Variants in SRRT observed in about 807,000 individuals in gnomAD.
SRRT encodes the protein serrate, RNA effector molecule.
SRRT carries 32 observed loss-of-function variants against 103.2 expected under a neutral mutation model. That is an observed-to-expected ratio of 0.31 (90% confidence interval 0.23 to 0.42). The LOEUF (loss-of-function observed/expected upper bound fraction) is 0.42. SRRT is among the 10% of genes least tolerant of loss of function. The pLI is 1.00. For missense variants in SRRT, 986 were observed against 1,207.5 expected, an observed-to-expected ratio of 0.82 and a Z score of 2.72; for synonymous variants, 525 against 449.0, an observed-to-expected ratio of 1.17 and a Z score of -2.14.
rs761623800 is a variant in SRRT, at chr7:100,887,660, A to G, written c.2170-43A>G. ...CCAGCTCGGGCCTGGGAGCGAGGCA[A>G]CCCTTATGTGGCTGTCCTGACCCCT... On this transcript the variant is annotated intron_variant, in intron 16 of 19. Transcript: ENST00000611405. The surrounding 1 kb of genome is among the most constrained non-coding windows in gnomAD (Gnocchi z 4.1). 2.5e-6 allele frequency: 4 copies of G among 1,589,884 alleles called. No individual in the cohort carries two copies. The highest frequency in any genetic ancestry group is 3.4e-6 in the Non-Finnish European group (4 of 1,162,916).
In SRRT at chr7:100,888,393, G is replaced by A. The variant is rs763750795; in HGVS notation, c.2555+10G>A. ...GGAAACCTCGCAACAGGTGAGGAGGGCAGACGCCCAAGCTTTGTTGCCGCC... is the reference window on the plus strand; with the variant it reads ...GGAAACCTCGCAACAGGTGAGGAGGACAGACGCCCAAGCTTTGTTGCCGCC... On this transcript the variant is annotated intron_variant, in intron 19 of 19. Transcript: ENST00000611405. 1 of 1,613,468 alleles carries A rather than the reference G, an allele frequency of 6.2e-7. No individual in the cohort carries two copies. The highest frequency in any genetic ancestry group is 8.5e-7 in the Non-Finnish European group (1 of 1,179,586).
chr7:100,881,624 C>A, intron 3 of SRRT, 35 bp from the exon 4 acceptor site: 1 of 1,613,178 alleles, frequency 6.2e-7, no homozygotes, highest in East Asian at 2.2e-5. Flanking sequence ...AGGTGACTCC[C>A]TTCTCTGCTT....
Position 100,887,960 on chromosome 7 carries a change from C to A in SRRT, c.2327-82C>A, listed in dbSNP as rs1459494448. On this transcript the variant is annotated intron_variant, in intron 17 of 19. Transcript: ENST00000611405. This position sits in a 1 kb window ranked among gnomAD's most constrained non-coding sequence, Gnocchi z 4.1. ...TCACCCCGAGAAGTTTCTGCCCCAT[C>A]CTCAGGCCATAGCCCTAGAAGTCAA... 6.5e-7 allele frequency: 1 copy of A among 1,536,436 alleles called. No individual in the cohort carries two copies. Among genetic ancestry groups the A allele is most frequent in the South Asian group, 1.2e-5 (1 of 80,250 alleles).
Position 100,876,018 on chromosome 7 carries a change from C to T in SRRT, c.122+306C>T, listed in dbSNP as rs539640771. 4.9e-5 allele frequency: 16 copies of T among 327,306 alleles called. No individual in the cohort carries two copies. In the East Asian group the frequency reaches 8.6e-4, roughly 18 times the overall value. The allele number at this position is 327,306 out of a possible 1,614,324, so 20.3% of individuals were successfully genotyped here. ...TTTGTTATTGAGATGGGGTCTTGTT[C>T]TGCTGCCCTGGCTGGAGTGCATTGA... On this transcript the variant is annotated intron_variant, in intron 2 of 19. Coordinates refer to ENST00000611405, the MANE Select transcript of SRRT (RefSeq NM_015908.6).
rs1299489113 is a variant in SRRT at position 100,887,224 on chromosome 7, T to G, written c.1975+24T>G. 9 of 1,613,768 alleles carry G rather than the reference T, an allele frequency of 5.6e-6. No homozygotes were observed. Among genetic ancestry groups the G allele is most frequent in the Non-Finnish European group, 6.8e-6 (8 of 1,179,830 alleles). On this transcript the variant is annotated intron_variant, in intron 15 of 19. Transcript: ENST00000611405. The surrounding 1 kb of genome is among the most constrained non-coding windows in gnomAD (Gnocchi z 4.1). The stretch of plus-strand genomic sequence containing the variant: ...AGGTGAGCTCCAGGTTCCCCTTTGT[T>G]CCCGGCTGCCCCTGGCCTTGGTCCT...
chr7:100,878,951 T>TCTTTCTTTC (rs1459219742), intron 2 of SRRT, among the ~76,000 whole-genome samples: 29 of 152,050 alleles, frequency 1.9e-4, no homozygotes, highest in Non-Finnish European at 2.9e-5. Context: ...TTCTTTCTTT[T>TCTTTCTTTC]CTTTCTTTCT....
chr7:100,879,975 G>A (rs968059136), intron 2 of SRRT, among the ~76,000 whole-genome samples: 2 of 152,150 alleles, frequency 1.3e-5, no homozygotes, highest in Admixed American at 6.5e-5. Flanking sequence ...TTGAAGTAAC[G>A]GTGTGATGTG....
intron 2 of SRRT, 136 bp downstream of exon 2, chr7:100,875,848 C>T: frequency 8.7e-7 from 1 of 1,151,758 alleles, no homozygotes; most frequent in Non-Finnish European, 1.2e-6. Flanking sequence ...TTCTGTGGTT[C>T]AGCCTATTTG....
Position 100,884,826 on chromosome 7 carries a change from G to A in SRRT, c.1029G>A (p.Lys343=). 6.2e-7 allele frequency: 1 copy of A among 1,614,104 alleles called. No homozygotes were observed. The highest frequency in any genetic ancestry group is 8.5e-7 in the Non-Finnish European group (1 of 1,179,998). The change falls in exon 8 of 20, where the codon AAG becomes AAA. Residue 343 remains lysine, a synonymous_variant. Transcript: ENST00000611405. ...AAGAGAAGAAAGAAGACTCCGAGAA[G>A]GAAGCCAAAAAGGTGAGGTGTCTGT... The part of the protein sequence containing the change: ...DKEEKKEDSE[K]EAKKSSKKRN...
chr7:100,888,028 C>T lies in SRRT; in HGVS notation c.2327-14C>T. The T allele has an allele frequency of 1.1e-5, 17 of 1,530,294 alleles. No homozygotes were observed. The highest frequency in any genetic ancestry group is 1.5e-5 in the Non-Finnish European group (17 of 1,142,146). The allele number at this position is 1,530,294 out of a possible 1,614,324, so 94.8% of individuals were successfully genotyped here. A position where few individuals can be genotyped will look rare whatever the true frequency, so the allele number is the denominator to read the frequency against. On this transcript the variant is annotated splice_polypyrimidine_tract_variant and intron_variant, in intron 17 of 19. Coordinates refer to ENST00000611405, the MANE Select transcript of SRRT (RefSeq NM_015908.6). ...TCCCCGCCCCCGCAGTAATTCATGT[C>T]CCTGTCCGTGTTGTACTCCCCCCAG...
chr7:100,877,764 C>T (rs970057393), intron 2 of SRRT, among the ~76,000 whole-genome samples: 1 of 152,068 alleles, frequency 6.6e-6, no homozygotes, highest in Non-Finnish European at 1.5e-5. Context: ...CACATATCCA[C>T]CTGCTTCGAC....
rs1425886078 is a variant in SRRT, at chr7:100,885,917, C to G, written c.1434C>G (p.Ile478Met). Residue 478 changes from isoleucine (I) to methionine (M), a missense_variant, in exon 12 of 20, where the codon ATC (isoleucine) becomes ATG (methionine). By Grantham distance (10) the Ile-to-Met change is conservative. This residue lies in a region of SRRT where 349 missense variants were observed against 446.9 expected (regional missense o/e 0.78). Coordinates refer to ENST00000611405, the MANE Select transcript of SRRT (RefSeq NM_015908.6). This position sits in a 1 kb window ranked among gnomAD's most constrained non-coding sequence, Gnocchi z 4.8. ...TFDRSVNIKE[I>M]CWNLQNIRLR... ...ACCGCAGTGTTAACATTAAAGAGAT[C>G]TGTTGGAACCTGCAGAACATCCGTG... The G allele has an allele frequency of 6.2e-7, 1 of 1,614,074 alleles. No individual in the cohort carries two copies. The highest frequency in any genetic ancestry group is 8.5e-7 in the Non-Finnish European group (1 of 1,180,018).
chr7:100,885,435 T>TG lies in SRRT; in HGVS notation c.1317+69dup, dbSNP rs1465546362. The stretch of plus-strand genomic sequence containing the variant: ...GAAGTGGAGGGTAGAGGGAAGGCAG[T>TG]GGGGCCCTGCCTGTGACAGATGCCC... On this transcript the variant is annotated intron_variant, in intron 10 of 19. Coordinates refer to ENST00000611405, the MANE Select transcript of SRRT (RefSeq NM_015908.6). The surrounding 1 kb of genome is among the most constrained non-coding windows in gnomAD (Gnocchi z 4.8). 8 of 1,528,172 alleles carry TG rather than the reference T, an allele frequency of 5.2e-6. No individual in the cohort carries two copies. The highest frequency in any genetic ancestry group is 3.7e-5 in the Admixed American group (2 of 53,490). The allele number at this position is 1,528,172 out of a possible 1,614,324, so 94.7% of individuals were successfully genotyped here. A position where few individuals can be genotyped will look rare whatever the true frequency, so the allele number is the denominator to read the frequency against.
chr7:100,875,787 C>T lies in SRRT; in HGVS notation c.122+75C>T, dbSNP rs1472935599. ...CACCCGCGTCGCTTTTCTTTCTCCC[C>T]CTTGTAATTTTTATGAGGGCGAATC... is the stretch of plus-strand genomic sequence containing the variant. On this transcript the variant is annotated intron_variant, in intron 2 of 19. Transcript: ENST00000611405. The T allele has an allele frequency of 3.8e-6, 6 of 1,582,312 alleles. No individual in the cohort carries two copies. In the African/African-American group the frequency reaches 4.0e-5, roughly 11 times the overall value.
In SRRT at chr7:100,885,991, C is replaced by T. The variant is rs763458700; in HGVS notation, c.1458+50C>T. 6.3e-7 allele frequency: 1 copy of T among 1,580,690 alleles called. No homozygotes were observed. ...GGGAAGAGGAAGGGAGACTCTGTGCCACACGGGACCTCTGTGTGACTTTGT... is the reference window on the plus strand; with the variant it reads ...GGGAAGAGGAAGGGAGACTCTGTGCTACACGGGACCTCTGTGTGACTTTGT... On this transcript the variant is annotated intron_variant, in intron 12 of 19. Coordinates refer to ENST00000611405, the MANE Select transcript of SRRT (RefSeq NM_015908.6). This position sits in a 1 kb window ranked among gnomAD's most constrained non-coding sequence, Gnocchi z 4.8.
chr7:100,887,894 C>T lies in SRRT; in HGVS notation c.2326+35C>T, dbSNP rs760299595. ...GATCCATGAAGGTCGCATGTGCCCT[C>T]TTCCTTGACTACCCAGGGACTCCTG... is the stretch of plus-strand genomic sequence containing the variant. On this transcript the variant is annotated intron_variant, in intron 17 of 19. Coordinates refer to ENST00000611405, the MANE Select transcript of SRRT (RefSeq NM_015908.6). This position sits in a 1 kb window ranked among gnomAD's most constrained non-coding sequence, Gnocchi z 4.1. 6 of 1,581,830 alleles carry T rather than the reference C, an allele frequency of 3.8e-6. No homozygotes were observed. In the South Asian group the frequency reaches 4.5e-5, roughly 12 times the overall value.
chr7:100,875,358 C>T, intron 1 of SRRT, 30 bp downstream of exon 1: 11 of 1,293,964 alleles, frequency 8.5e-6, no homozygotes, highest in East Asian at 3.3e-5. Context: ...TGGGGGGCCC[C>T]GCTGGGGCGG....
In SRRT at chr7:100,884,754, T is replaced by C; in HGVS notation, c.957T>C (p.Ser319=). 1 of 1,613,582 alleles carries C rather than the reference T, an allele frequency of 6.2e-7. No individual in the cohort carries two copies. Among genetic ancestry groups the C allele is most frequent in the Non-Finnish European group, 8.5e-7 (1 of 1,179,842 alleles). Residue 319 remains serine, a synonymous_variant, in exon 8 of 20, where the codon AGT becomes AGC. Transcript: ENST00000611405. ...KEDGKQAEND[S]SNDDKTKKSE... ...TCTTACCATAGGCTGAGAATGACAGTTCTAATGATGACAAAACAAAGAAGT... is the reference window on the plus strand; with the variant it reads ...TCTTACCATAGGCTGAGAATGACAGCTCTAATGATGACAAAACAAAGAAGT...
chr7:100,881,425 C>T lies in SRRT; in HGVS notation c.251+12C>T, dbSNP rs375559147. ...ATGAGGAGAGACTGGTGAGATGGAG[C>T]GGTTTCCCTCTCCTCCCCTTTGCCT... On this transcript the variant is annotated intron_variant, in intron 3 of 19. Transcript: ENST00000611405. 22 of 1,607,104 alleles carry T rather than the reference C, an allele frequency of 1.4e-5. No homozygotes were observed. In the African/African-American group the frequency reaches 2.7e-4, roughly 20 times the overall value.
Sources: allele counts gnomAD v4.1 joint callset (sites outside exome capture counted in the v4.1 genomes callset), GRCh38; gene constraint gnomAD v4.1.1; regional missense constraint gnomAD v4.1.1; non-coding constraint Gnocchi (gnomAD v3.1); transcripts MANE v1.5; gene names NCBI Gene and HGNC (gene_info 2026-07-23, HGNC 2026-07-21).